SHROOM3: variants seen among roughly 807,000 people sequenced by gnomAD.
SHROOM3 encodes the protein protein Shroom3.
SHROOM3 carries 47 observed loss-of-function variants against 138.6 expected under a neutral mutation model. The observed-to-expected ratio is 0.34, with a 90% CI of 0.27 to 0.43. The LOEUF (loss-of-function observed/expected upper bound fraction) is 0.43, where lower values mean the gene tolerates loss of function less well. Among genes scored for constraint, SHROOM3 ranks in the 20% least tolerant of loss-of-function variants. The pLI, the probability that SHROOM3 is intolerant of heterozygous loss-of-function variation, is 1.00. For missense variants in SHROOM3, 2,491 were observed against 2,596.5 expected (o/e 0.96, Z 0.88); for synonymous variants, 1,062 against 1,063.3 (o/e 1.00, Z 0.02).
At chr4:76,527,050 A>ACCTT (rs1553920363) in intron 1 of SHROOM3, among the ~76,000 whole-genome samples, 2 of 152,012 alleles carry the variant, frequency 1.3e-5, no homozygotes, top group Admixed American at 1.3e-4. Context: ...ATGCTTGCCT[A>ACCTT]CTTTCTTTCT....
chr4:76,616,214 C>T (rs1165834055), intron 2 of SHROOM3, among the ~76,000 whole-genome samples: 1 of 152,188 alleles, frequency 6.6e-6, no homozygotes, highest in Non-Finnish European at 1.5e-5. Flanking sequence ...TCTCATTTAA[C>T]CTTGAGATTC....
At chr4:76,759,918 C>T (rs190235332) in intron 9 of SHROOM3, among the ~76,000 whole-genome samples, 94 of 152,236 alleles carry the variant, frequency 6.2e-4, no homozygotes, top group African/African-American at 2.2e-3. Flanking sequence ...CTGTACTTTT[C>T]GTTTTTACAA....
At chr4:76,742,144 T>C (rs1250973522) in intron 5 of SHROOM3, 4 of 656,788 alleles carry the variant, frequency 6.1e-6, no homozygotes, top group Non-Finnish European at 8.2e-6. Context: ...TATGTTGTTA[T>C]ACAGATTCTC....
chr4:76,719,146 CACA>C (rs1482912429), intron 3 of SHROOM3, among the ~76,000 whole-genome samples: 1 of 152,152 alleles, frequency 6.6e-6, no homozygotes, highest in East Asian at 1.9e-4. Context: ...CAGGGGCACA[CACA>C]ACATTTCTAG....
intron 1 of SHROOM3, among the ~76,000 whole-genome samples, chr4:76,448,372 C>T (rs1034768086): frequency 1.3e-5 from 2 of 152,170 alleles, no homozygotes; most frequent in East Asian, 1.9e-4. Context: ...GCAACTGACC[C>T]GTCCACATTT....
chr4:76,437,834 T>C (rs10023335), intron 1 of SHROOM3, among the ~76,000 whole-genome samples: 43,346 of 152,064 alleles, frequency 0.29, 7,783 homozygotes, highest in Non-Finnish European at 0.4. Flanking sequence ...ATTTAAAAAG[T>C]CTAGTTGTAC....
At chr4:76,640,786 G>T (rs1735645227) in intron 2 of SHROOM3, among the ~76,000 whole-genome samples, 1 of 152,184 alleles carries the variant, frequency 6.6e-6, no homozygotes, top group Non-Finnish European at 1.5e-5. Context: ...AGCACCCCAG[G>T]TGTCTCTCTA....
intron 2 of SHROOM3, among the ~76,000 whole-genome samples, chr4:76,686,305 C>T (rs1719337342): frequency 6.6e-6 from 1 of 152,080 alleles, no homozygotes; most frequent in African/African-American, 2.4e-5. Flanking sequence ...GCCTCGTAGA[C>T]TATTTCTAAG....
chr4:76,443,009 G>A (rs1410596838), intron 1 of SHROOM3, among the ~76,000 whole-genome samples: 2 of 152,204 alleles, frequency 1.3e-5, no homozygotes, highest in Non-Finnish European at 2.9e-5. Flanking sequence ...ACTAAGGCAA[G>A]CAGGTTAAGT....
intron 3 of SHROOM3, among the ~76,000 whole-genome samples, chr4:76,728,903 G>A (rs1249718615): frequency 6.6e-6 from 1 of 151,874 alleles, no homozygotes; most frequent in Non-Finnish European, 1.5e-5. Context: ...ACCTCACTGG[G>A]GAGCTCGGGG....
intron 10 of SHROOM3, among the ~76,000 whole-genome samples, chr4:76,773,820 G>A (rs1454396610): frequency 6.6e-6 from 1 of 152,102 alleles, no homozygotes; most frequent in Non-Finnish European, 1.5e-5. Flanking sequence ...TTCAGCACAG[G>A]GCAGAGAAGA....
At chr4:76,446,803 G>A (rs567808328) in intron 1 of SHROOM3, among the ~76,000 whole-genome samples, 1 of 152,166 alleles carries the variant, frequency 6.6e-6, no homozygotes, top group Non-Finnish European at 1.5e-5. Context: ...TTATGAAGGA[G>A]TGCTCTTTAC....
Position 76,740,843 on chromosome 4 carries a change from C to G in SHROOM3, c.2670C>G (p.Ser890Arg), listed in dbSNP as rs768036532. 1.3e-6 allele frequency: 2 copies of G among 1,579,222 alleles called. No individual in the cohort carries two copies. The highest frequency in any genetic ancestry group is 2.7e-5 in the African/African-American group (2 of 73,732). ...RPDARLLRSQ[S>R]TFQLSSEPER... is the part of the protein sequence containing the mutation. ...ACGCTCGGCTCCTCCGTAGCCAGAG[C>G]ACCTTCCAGCTCTCCAGCGAGCCAG... Residue 890 changes from serine (S) to arginine (R), a missense_variant, in exon 5 of 11, where the codon AGC becomes AGG. Ser to Arg is a moderately radical substitution (Grantham distance 110). Coordinates refer to ENST00000296043, the MANE Select transcript of SHROOM3 (RefSeq NM_020859.4). The surrounding 1 kb of genome is among the most constrained non-coding windows in gnomAD (Gnocchi z 4.0).
Position 76,587,643 on chromosome 4 carries a change from C to T in SHROOM3, c.323+31880C>T, listed in dbSNP as rs55743329. On this transcript the variant is annotated intron_variant, in intron 2 of 10. Coordinates refer to ENST00000296043, the MANE Select transcript of SHROOM3 (RefSeq NM_020859.4). ...TAAAGTGTCTTTATAAAAACATTTT[C>T]CTATAATAAAATAACACATTAGTGA... is the stretch of plus-strand genomic sequence containing the variant. Among the ~76,000 whole-genome samples, 1,050 of 152,112 alleles carry T rather than the reference C, an allele frequency of 6.9e-3. 3 individuals carry two copies. The highest frequency in any genetic ancestry group is 0.012 in the Non-Finnish European group (799 of 67,984).
intron 1 of SHROOM3, among the ~76,000 whole-genome samples, chr4:76,533,738 G>T (rs1328260126): frequency 6.6e-6 from 1 of 152,214 alleles, no homozygotes; most frequent in African/African-American, 2.4e-5. Flanking sequence ...CTGTTTGGAT[G>T]TAAAAAATAA....
At chr4:76,715,192 T>C (rs1200250165) in intron 3 of SHROOM3, among the ~76,000 whole-genome samples, 1 of 152,192 alleles carries the variant, frequency 6.6e-6, no homozygotes, top group African/African-American at 2.4e-5. Flanking sequence ...GGTATATATA[T>C]ATTCATAGCT....
chr4:76,462,516 C>T (rs1056186207), intron 1 of SHROOM3, among the ~76,000 whole-genome samples: 3 of 152,146 alleles, frequency 2.0e-5, no homozygotes, highest in Non-Finnish European at 4.4e-5. Flanking sequence ...CCACCCAAAT[C>T]TCATGTTGAA....
At chr4:76,695,282 CA>C (rs1719691674) in intron 2 of SHROOM3, among the ~76,000 whole-genome samples, 1 of 152,126 alleles carries the variant, frequency 6.6e-6, no homozygotes, top group Non-Finnish European at 1.5e-5. Context: ...CCAATGACTC[CA>C]ATTAGGAAGT....
At chr4:76,595,306 G>A (rs961465505) in intron 2 of SHROOM3, among the ~76,000 whole-genome samples, 1 of 152,220 alleles carries the variant, frequency 6.6e-6, no homozygotes, top group Non-Finnish European at 1.5e-5. Context: ...TTGAACGTCA[G>A]TTCCATTGCT....
Sources: gnomAD v4.1 joint callset for allele counts (sites outside exome capture counted in the v4.1 genomes callset) on GRCh38, gnomAD v4.1.1 for gene constraint, Gnocchi (gnomAD v3.1) non-coding constraint, MANE v1.5 for transcripts, NCBI Gene and HGNC (gene_info 2026-07-23, HGNC 2026-07-21) for gene names.